GRIN2A: variants seen among roughly 807,000 people sequenced by gnomAD.
GRIN2A encodes glutamate receptor ionotropic, NMDA 2A.
GRIN2A carries 22 observed loss-of-function variants against 113.4 expected under a neutral mutation model. The ratio of observed to expected loss-of-function variants is 0.19; its 90% confidence interval spans 0.14 to 0.28. GRIN2A has a LOEUF of 0.28. GRIN2A is among the 10% of genes least tolerant of loss of function. The probability of loss-of-function intolerance (pLI) is 1.00; values close to 1 mark genes in which losing one functional copy is unlikely to be tolerated. For missense variants in GRIN2A, 1,502 were observed against 1,887.0 expected (o/e 0.80, Z 3.78); for synonymous variants, 827 against 738.4 (o/e 1.12, Z -1.94).
intron 2 of GRIN2A, among the ~76,000 whole-genome samples, chr16:10,126,711 A>G (rs150618465): frequency 2.0e-5 from 3 of 152,172 alleles, no homozygotes; most frequent in African/African-American, 7.2e-5. Flanking sequence ...AATTTTCTTT[A>G]TGTTATTGCT....
At chr16:10,009,310 A>G (rs1330000215) in intron 2 of GRIN2A, among the ~76,000 whole-genome samples, 3 of 152,226 alleles carry the variant, frequency 2.0e-5, no homozygotes, top group Non-Finnish European at 2.9e-5. Flanking sequence ...ACAAATAAAT[A>G]TTTTTAAAAA....
At chr16:9,774,370 G>C (rs1901472918) in intron 11 of GRIN2A, among the ~76,000 whole-genome samples, 1 of 152,172 alleles carries the variant, frequency 6.6e-6, no homozygotes, top group African/African-American at 2.4e-5. Context: ...GGTCTAGATA[G>C]TAACACAGAG....
chr16:10,074,609 C>T (rs745641897), intron 2 of GRIN2A, among the ~76,000 whole-genome samples: 7 of 152,164 alleles, frequency 4.6e-5, no homozygotes, highest in African/African-American at 7.2e-5. Context: ...AGACATTATG[C>T]TAAGTGAAGG....
intron 2 of GRIN2A, among the ~76,000 whole-genome samples, chr16:10,081,702 G>A (rs778878858): frequency 6.6e-6 from 1 of 152,142 alleles, no homozygotes; most frequent in Non-Finnish European, 1.5e-5. Flanking sequence ...TGTTTTTGCA[G>A]GGAAGCACAC....
intron 2 of GRIN2A, among the ~76,000 whole-genome samples, chr16:10,178,498 C>T (rs1339750759): frequency 1.3e-5 from 2 of 152,182 alleles, no homozygotes; most frequent in African/African-American, 4.8e-5. Flanking sequence ...CTAAGATGCT[C>T]TCCAGTTCTG....
intron 8 of GRIN2A, among the ~76,000 whole-genome samples, chr16:9,831,091 T>A (rs530348374): frequency 2.6e-5 from 4 of 152,178 alleles, no homozygotes; most frequent in Admixed American, 6.5e-5. Flanking sequence ...AAAACCATTT[T>A]GTACAAAGAA....
intron 2 of GRIN2A, among the ~76,000 whole-genome samples, chr16:10,143,245 G>C (rs891358611): frequency 4.6e-5 from 7 of 152,142 alleles, no homozygotes; most frequent in African/African-American, 1.7e-4. Flanking sequence ...AGAAGAAAGT[G>C]GACAACGCCT....
At chr16:10,132,199 G>A (rs1484561057) in intron 2 of GRIN2A, among the ~76,000 whole-genome samples, 1 of 151,996 alleles carries the variant, frequency 6.6e-6, no homozygotes, top group African/African-American at 2.4e-5. Context: ...GGGCGTGGTG[G>A]TGCATGCCTG....
chr16:10,127,387 G>C (rs1036628971), intron 2 of GRIN2A, among the ~76,000 whole-genome samples: 2 of 152,100 alleles, frequency 1.3e-5, no homozygotes, highest in Non-Finnish European at 2.9e-5. Flanking sequence ...ACCTCTGCAT[G>C]TGATATTCCT....
At chr16:10,132,499 C>T (rs1298247977) in intron 2 of GRIN2A, among the ~76,000 whole-genome samples, 3 of 152,124 alleles carry the variant, frequency 2.0e-5, no homozygotes, top group South Asian at 4.2e-4. Context: ...AAATGTAAAG[C>T]CACACATTGA....
chr16:10,056,813 A>G (rs1220260214), intron 2 of GRIN2A, among the ~76,000 whole-genome samples: 5 of 152,146 alleles, frequency 3.3e-5, no homozygotes, highest in African/African-American at 1.2e-4. Flanking sequence ...TGGAAAGAGA[A>G]CAGTAATGCC....
intron 2 of GRIN2A, among the ~76,000 whole-genome samples, chr16:9,964,925 G>A (rs887189380): frequency 3.3e-5 from 5 of 152,276 alleles, no homozygotes; most frequent in African/African-American, 4.8e-5. Context: ...TTAGCACAAC[G>A]TCTGGCTTAT....
At chr16:10,103,025 A>G (rs2048429739) in intron 2 of GRIN2A, among the ~76,000 whole-genome samples, 1 of 152,228 alleles carries the variant, frequency 6.6e-6, no homozygotes, top group African/African-American at 2.4e-5. Flanking sequence ...GACGAAAAGA[A>G]TGAATGATCC....
chr16:9,767,436 G>A (rs1900986404), intron 12 of GRIN2A, among the ~76,000 whole-genome samples: 1 of 151,772 alleles, frequency 6.6e-6, no homozygotes, highest in Admixed American at 6.6e-5. Context: ...TAAGTTCTAG[G>A]GTACATGTGC....
intron 3 of GRIN2A, among the ~76,000 whole-genome samples, chr16:9,906,800 C>G (rs778619683): frequency 5.3e-5 from 8 of 152,210 alleles, no homozygotes; most frequent in Non-Finnish European, 1.2e-4. Flanking sequence ...CCTAAGTTAA[C>G]AAGAATTTAC....
At chr16:9,795,607 A>G (rs935613792) in intron 11 of GRIN2A, among the ~76,000 whole-genome samples, 2 of 152,338 alleles carry the variant, frequency 1.3e-5, no homozygotes, top group African/African-American at 2.4e-5. Flanking sequence ...TTCTGTAACT[A>G]CAATGGTGAT....
chr16:10,135,972 G>A (rs953630494), intron 2 of GRIN2A, among the ~76,000 whole-genome samples: 6 of 152,230 alleles, frequency 3.9e-5, no homozygotes, highest in Non-Finnish European at 8.8e-5. Context: ...ATCATACTCC[G>A]TCCCTAACAC....
At chr16:9,968,262 TTGTATGTATGTATGTA>T (rs71157795) in intron 2 of GRIN2A, among the ~76,000 whole-genome samples, 55 of 150,258 alleles carry the variant, frequency 3.7e-4, no homozygotes, top group South Asian at 1.9e-3. Flanking sequence ...CTCTATTGAC[TTGTATGTATGTATGTA>T]TGTATGTATG....
At chr16:10,148,513 C>A (rs2142283608) in intron 2 of GRIN2A, among the ~76,000 whole-genome samples, 1 of 152,322 alleles carries the variant, frequency 6.6e-6, no homozygotes. Context: ...TCCGTGTTCA[C>A]AGATCTAGCC....
Sources: gnomAD v4.1 joint callset for allele counts (sites outside exome capture counted in the v4.1 genomes callset) on GRCh38, gnomAD v4.1.1 for gene constraint, MANE v1.5 for transcripts, NCBI Gene and HGNC (gene_info 2026-07-23, HGNC 2026-07-21) for gene names.